PRKAR1B: variants seen among roughly 807,000 people sequenced by gnomAD.
The protein encoded by PRKAR1B is cAMP-dependent protein kinase type I-beta regulatory subunit.
Under a neutral mutation model 46.5 loss-of-function variants are expected in PRKAR1B, and 22 were observed. The ratio of observed to expected loss-of-function variants is 0.47; its 90% CI spans 0.34 to 0.68. PRKAR1B has a LOEUF of 0.68. Ranked by LOEUF, PRKAR1B falls within the 30% of genes least tolerant of loss-of-function variation. The pLI is 0.01. For missense variants in PRKAR1B, 445 were observed against 535.6 expected (o/e 0.83, Z 1.67); for synonymous variants, 259 against 217.7 (o/e 1.19, Z -1.67).
At chr7:553,138 G>GT (rs1784353245) in intron 9 of PRKAR1B, among the ~76,000 whole-genome samples, 1 of 152,170 alleles carries the variant, frequency 6.6e-6, no homozygotes, top group African/African-American at 2.4e-5. Flanking sequence ...CGGGGCTGCC[G>GT]TGTCACTGTC....
At chr7:643,279 C>T (rs1270768510) in intron 4 of PRKAR1B, among the ~76,000 whole-genome samples, 1 of 151,496 alleles carries the variant, frequency 6.6e-6, no homozygotes, top group African/African-American at 2.4e-5. Context: ...TTTACTCACA[C>T]CTTCCACCTC....
chr7:664,347 C>G (rs1429198052), intron 4 of PRKAR1B, among the ~76,000 whole-genome samples: 1 of 152,226 alleles, frequency 6.6e-6, no homozygotes, highest in African/African-American at 2.4e-5. Flanking sequence ...AGGGCTTAGC[C>G]TCAGGCCTGC....
At position 664,197 on chromosome 7, in the gene PRKAR1B, C is replaced by T. The variant is rs112858450; in HGVS notation, c.440+13032G>A. 1.1e-3 allele frequency among the ~76,000 whole-genome samples: 170 copies of T among 152,276 alleles called. 1 individual carries two copies. The highest frequency in any genetic ancestry group is 3.8e-3 in the African/African-American group (157 of 41,566). On this transcript the variant is annotated intron_variant, in intron 4 of 10. Coordinates refer to ENST00000537384, the MANE Select transcript of PRKAR1B (RefSeq NM_001164760.2). Reference sequence around the variant, plus strand: ...ATTCCTCACACCCGCTGGCAGGCGACGGGGCTATTTTTAGTGACCAGGGCT... The same window carrying T: ...ATTCCTCACACCCGCTGGCAGGCGATGGGGCTATTTTTAGTGACCAGGGCT...
At chr7:688,793 T>C (rs1779245992) in intron 2 of PRKAR1B, among the ~76,000 whole-genome samples, 1 of 152,210 alleles carries the variant, frequency 6.6e-6, no homozygotes, top group African/African-American at 2.4e-5. Flanking sequence ...CAGTTACCTA[T>C]CTGACGTATT....
At chr7:580,337 T>C (rs373850303) in intron 8 of PRKAR1B, among the ~76,000 whole-genome samples, 12 of 151,846 alleles carry the variant, frequency 7.9e-5, no homozygotes, top group East Asian at 7.7e-4. Context: ...GTGGATTGCC[T>C]GAGCTCAGGA....
chr7:581,279 G>C (rs1422918209), intron 8 of PRKAR1B, among the ~76,000 whole-genome samples: 2 of 146,710 alleles, frequency 1.4e-5, no homozygotes, highest in Admixed American at 6.8e-5. Flanking sequence ...CTCCAGCCTG[G>C]GCAACAGAGC....
rs181322701 is a variant in PRKAR1B, at chr7:559,505, G to A, written c.892-8035C>T. On this transcript the variant is annotated intron_variant, in intron 9 of 10. Coordinates refer to ENST00000537384, the MANE Select transcript of PRKAR1B (RefSeq NM_001164760.2). ...CCGAGTGGTGCAGGAAGGGCTCCCC[G>A]ATACGAGGGGACCCCGATCTGGGGC... Among the ~76,000 whole-genome samples, 30 of 152,278 alleles carry A rather than the reference G, an allele frequency of 2.0e-4. No individual in the cohort carries two copies. In the East Asian group the frequency reaches 3.1e-3, roughly 16 times the overall value.
At chr7:580,643 C>T (rs1583239306) in intron 8 of PRKAR1B, among the ~76,000 whole-genome samples, 2 of 151,910 alleles carry the variant, frequency 1.3e-5, no homozygotes, top group African/African-American at 4.8e-5. Flanking sequence ...TCTTCCCTTC[C>T]CTGTCTTTAT....
At chr7:565,760 T>G (rs1267788324) in intron 9 of PRKAR1B, 2 of 152,184 alleles carry the variant, frequency 1.3e-5, no homozygotes, top group African/African-American at 4.8e-5. Flanking sequence ...CTGGGGTAGC[T>G]CAGGCTCCGT....
At chr7:554,997 C>T (rs1459000982) in intron 9 of PRKAR1B, among the ~76,000 whole-genome samples, 1 of 152,196 alleles carries the variant, frequency 6.6e-6, no homozygotes, top group African/African-American at 2.4e-5. Context: ...GGCACAGAGG[C>T]TGCCGTGGCT....
chr7:658,272 A>C (rs935062403), intron 4 of PRKAR1B, among the ~76,000 whole-genome samples: 1 of 151,910 alleles, frequency 6.6e-6, no homozygotes, highest in Non-Finnish European at 1.5e-5. Flanking sequence ...CCATCTCTAC[A>C]AAAAAAATTA....
chr7:672,255 A>G (rs1012953371), intron 4 of PRKAR1B, among the ~76,000 whole-genome samples: 2 of 151,974 alleles, frequency 1.3e-5, no homozygotes, highest in African/African-American at 2.4e-5. Context: ...GGTTCAAGCA[A>G]TTCTCCCGCC....
intron 9 of PRKAR1B, 27 bp from the exon 10 acceptor site, chr7:551,497 G>C: frequency 5.8e-6 from 9 of 1,548,498 alleles, no homozygotes; most frequent in Non-Finnish European, 7.9e-6. Context: ...ACAGACGTGA[G>C]TGCCAGCCAG....
At chr7:723,927 G>T (rs1367179339) in intron 1 of PRKAR1B, among the ~76,000 whole-genome samples, 1 of 152,310 alleles carries the variant, frequency 6.6e-6, no homozygotes, top group South Asian at 2.1e-4. Context: ...TCCTCTTGAG[G>T]TCTCTCTTCA....
At chr7:586,516 TG>T (rs1380623219) in intron 7 of PRKAR1B, among the ~76,000 whole-genome samples, 5 of 152,166 alleles carry the variant, frequency 3.3e-5, no homozygotes, top group African/African-American at 1.2e-4. Context: ...CCAGCCCTGT[TG>T]GGGGGAAGCC....
At chr7:577,129 C>T (rs546695850) in intron 9 of PRKAR1B, among the ~76,000 whole-genome samples, 112 of 152,100 alleles carry the variant, frequency 7.4e-4, no homozygotes, top group Middle Eastern at 3.4e-3. Context: ...TCAGCGGCCC[C>T]GTCCAACTCC....
chr7:665,818 C>A (rs1490204248), intron 4 of PRKAR1B, among the ~76,000 whole-genome samples: 2 of 152,224 alleles, frequency 1.3e-5, no homozygotes, highest in African/African-American at 4.8e-5. Context: ...GCTTGTTTTT[C>A]CCATCACCTG....
intron 1 of PRKAR1B, 135 bp downstream of exon 1, chr7:727,075 C>T (rs1354299856): frequency 1.9e-6 from 2 of 1,042,750 alleles, no homozygotes; most frequent in South Asian, 4.4e-5. Context: ...GCGCCTGCTG[C>T]CCGCGCTCGC....
intron 9 of PRKAR1B, among the ~76,000 whole-genome samples, chr7:573,954 T>A (rs1779676911): frequency 6.6e-6 from 1 of 152,134 alleles, no homozygotes; most frequent in African/African-American, 2.4e-5. Flanking sequence ...ACACGCGGTG[T>A]GCGTGGGGGG....
Sources: gnomAD v4.1 joint callset for allele counts (sites outside exome capture counted in the v4.1 genomes callset) on GRCh38, gnomAD v4.1.1 for gene constraint, MANE v1.5 for transcripts, NCBI Gene and HGNC (gene_info 2026-07-23, HGNC 2026-07-21) for gene names.